Variants in SLIT3 observed in about 807,000 individuals in gnomAD.
SLIT3 encodes slit homolog 3 protein.
A neutral mutation model predicts 184.0 loss-of-function variants in SLIT3; 68 were observed. The observed-to-expected ratio is 0.37, with a 90% CI of 0.30 to 0.45. The LOEUF (loss-of-function observed/expected upper bound fraction) is 0.45. SLIT3 is among the 20% of genes least tolerant of loss of function. The probability of loss-of-function intolerance (pLI) is 1.00; values close to 1 mark genes in which losing one functional copy is unlikely to be tolerated. For missense variants in SLIT3, 1,707 were observed against 2,026.0 expected (o/e 0.84, Z 3.02); for synonymous variants, 831 against 828.6 (o/e 1.00, Z -0.05).
rs1381809334 is a variant in SLIT3 at position 168,724,427 on chromosome 5, G to C, written c.2328C>G (p.His776Gln). ...ACTGGGCTCCTTACATAAGCGTCAG[G>C]TGTCGGAGGGCGGACAGCTCTCTGG... ...AVPRELSALR[H>Q]LTLIDLSNNS... Residue 776 changes from histidine (H) to glutamine (Q), a missense_variant, in exon 21 of 36, where the codon CAC becomes CAG. By Grantham distance (24) the His-to-Gln change is conservative. This residue lies in a region of SLIT3 where 1,307 missense variants were observed against 1,511.6 expected (regional missense o/e 0.86). Transcript: ENST00000519560. 1.2e-6 allele frequency: 2 copies of C among 1,612,658 alleles called. No homozygotes were observed. Among genetic ancestry groups the C allele is most frequent in the Admixed American group, 1.7e-5 (1 of 59,972 alleles).
intron 3 of SLIT3, among the ~76,000 whole-genome samples, chr5:169,201,051 A>C (rs1478065127): frequency 6.6e-6 from 1 of 152,172 alleles, no homozygotes; most frequent in East Asian, 1.9e-4. Context: ...GATATAATGG[A>C]GCTTCCTTAT....
chr5:168,807,105 C>A (rs1756995530), intron 8 of SLIT3, among the ~76,000 whole-genome samples: 1 of 152,148 alleles, frequency 6.6e-6, no homozygotes, highest in African/African-American at 2.4e-5. Flanking sequence ...CAAGGCATTT[C>A]CAAATGGCTT....
intron 4 of SLIT3, among the ~76,000 whole-genome samples, chr5:168,954,103 T>A (rs1448599033): frequency 2.0e-5 from 3 of 152,086 alleles, no homozygotes; most frequent in Admixed American, 6.6e-5. Flanking sequence ...TTCTAGATGA[T>A]CAAGCGTCGG....
intron 7 of SLIT3, among the ~76,000 whole-genome samples, chr5:168,819,199 T>C (rs1177569684): frequency 2.6e-5 from 4 of 152,154 alleles, no homozygotes; most frequent in Admixed American, 6.5e-5. Flanking sequence ...CAGGAAGGGG[T>C]TGGCGAACCA....
At chr5:169,061,965 G>A (rs746124859) in intron 4 of SLIT3, among the ~76,000 whole-genome samples, 12 of 152,162 alleles carry the variant, frequency 7.9e-5, no homozygotes, top group Admixed American at 2.6e-4. Flanking sequence ...CACCCCAATC[G>A]TGAGGTCAGG....
At chr5:168,769,055 G>A (rs1192853979) in intron 14 of SLIT3, among the ~76,000 whole-genome samples, 1 of 152,182 alleles carries the variant, frequency 6.6e-6, no homozygotes, top group African/African-American at 2.4e-5. Context: ...GCCTCTTTGA[G>A]ACTAAGAGAA....
intron 4 of SLIT3, among the ~76,000 whole-genome samples, chr5:169,084,150 C>G (rs1759185073): frequency 6.6e-6 from 1 of 152,150 alleles, no homozygotes; most frequent in Non-Finnish European, 1.5e-5. Flanking sequence ...AATACAGTAC[C>G]AGAGTCTGCA....
At chr5:169,193,334 C>A (rs1428296916) in intron 4 of SLIT3, 145 bp downstream of exon 4, 9 of 698,824 alleles carry the variant, frequency 1.3e-5, no homozygotes, top group African/African-American at 1.7e-5. Flanking sequence ...TGGGGGTAGA[C>A]GTCATGTCAA....
chr5:168,798,208 TTTCTTC>T (rs58233644), intron 9 of SLIT3, among the ~76,000 whole-genome samples: 3 of 129,024 alleles, frequency 2.3e-5, no homozygotes, highest in South Asian at 2.8e-4. Flanking sequence ...TTGGTTTTCT[TTTCTTC>T]TTCTTCTTCT....
Position 169,020,408 on chromosome 5 carries a change from C to A in SLIT3, c.414-137072G>T, listed in dbSNP as rs181597329. Among the ~76,000 whole-genome samples, 21 of 152,238 alleles carry A rather than the reference C, an allele frequency of 1.4e-4. No individual in the cohort carries two copies. In the East Asian group the frequency reaches 3.9e-3, roughly 28 times the overall value. ...CGATGTTGACAAACCTAGCATTGAA[C>A]CTACTGCTGAAAGTGGCAGAGTTCT... is the stretch of plus-strand genomic sequence containing the variant. On this transcript the variant is annotated intron_variant, in intron 4 of 35. Transcript: ENST00000519560.
Position 168,748,180 on chromosome 5 carries a change from C to T in SLIT3, c.2270+122G>A, listed in dbSNP as rs1754557644. The stretch of plus-strand genomic sequence containing the variant: ...CACTGCCATCTTGCTGGGATCCATT[C>T]AAGTAGGGTCTCCCCCCGGCAGTTT... On this transcript the variant is annotated intron_variant, in intron 20 of 35. Transcript: ENST00000519560. The T allele has an allele frequency of 1.0e-5, 12 of 1,167,614 alleles. 1 individual carries two copies. In the South Asian group the frequency reaches 2.4e-4, roughly 23 times the overall value. The allele number at this position is 1,167,614 out of a possible 1,614,324, so 72.3% of individuals were successfully genotyped here. A position where few individuals can be genotyped will look rare whatever the true frequency, so the allele number is the denominator to read the frequency against.
intron 4 of SLIT3, among the ~76,000 whole-genome samples, chr5:169,112,784 A>G (rs961111517): frequency 2.0e-5 from 3 of 152,008 alleles, no homozygotes; most frequent in African/African-American, 7.2e-5. Flanking sequence ...TCAGGTATCT[A>G]TCTCCTGGAT....
intron 4 of SLIT3, among the ~76,000 whole-genome samples, chr5:168,907,108 G>T (rs556528580): frequency 6.6e-6 from 1 of 152,140 alleles, no homozygotes; most frequent in South Asian, 2.1e-4. Context: ...CAATCCACTC[G>T]CCTTGGCCTC....
chr5:169,040,776 G>GA (rs996274593), intron 4 of SLIT3, among the ~76,000 whole-genome samples: 1 of 151,956 alleles, frequency 6.6e-6, no homozygotes, highest in African/African-American at 2.4e-5. Context: ...TTTTCGAAAG[G>GA]AAAAAAAGGT....
rs570391713 is a variant in SLIT3 at position 168,796,974 on chromosome 5, A to G, written c.936-1396T>C. Among the ~76,000 whole-genome samples, 134 of 151,962 alleles carry G rather than the reference A, an allele frequency of 8.8e-4. 1 individual carries two copies. The highest frequency in any genetic ancestry group is 1.6e-3 in the Non-Finnish European group (111 of 67,938). ...GAGAGGAGAGAGGGAGTATCAGGAC[A>G]TATCATTCTTGGCTGCCGGATGAAT... On this transcript the variant is annotated intron_variant, in intron 9 of 35. Transcript: ENST00000519560.
At chr5:169,193,395 G>T in intron 4 of SLIT3, 84 bp downstream of exon 4, 2 of 1,148,566 alleles carry the variant, frequency 1.7e-6, no homozygotes, top group Non-Finnish European at 2.6e-6. Flanking sequence ...GCTCCACACG[G>T]CACGGCGCTC....
intron 4 of SLIT3, among the ~76,000 whole-genome samples, chr5:168,936,387 A>G (rs1327834880): frequency 6.6e-6 from 1 of 152,084 alleles, no homozygotes; most frequent in Non-Finnish European, 1.5e-5. Context: ...TGCGCACACC[A>G]CCAAGCACAG....
At chr5:168,997,703 C>G (rs1004658572) in intron 4 of SLIT3, among the ~76,000 whole-genome samples, 2 of 152,140 alleles carry the variant, frequency 1.3e-5, no homozygotes, top group African/African-American at 4.8e-5. Context: ...AAACTCCTAA[C>G]TCTGCTGGGA....
At chr5:169,169,575 A>C (rs1462318620) in intron 4 of SLIT3, among the ~76,000 whole-genome samples, 1 of 152,206 alleles carries the variant, frequency 6.6e-6, no homozygotes, top group Non-Finnish European at 1.5e-5. Context: ...AGAAGTTTTC[A>C]TGGTTCCGAA....
Sources: allele counts gnomAD v4.1 joint callset (sites outside exome capture counted in the v4.1 genomes callset), GRCh38; gene constraint gnomAD v4.1.1; regional missense constraint gnomAD v4.1.1; transcripts MANE v1.5; gene names NCBI Gene and HGNC (gene_info 2026-07-23, HGNC 2026-07-21).